The following PCDH7 variants were observed in gnomAD, a reference collection of about 807,000 sequenced individuals.
The protein encoded by PCDH7 is protocadherin-7.
In PCDH7, 17 loss-of-function variants were observed where a neutral mutation model predicts 58.9. The observed-to-expected ratio is 0.29, with a 90% CI of 0.20 to 0.43. PCDH7 has a LOEUF of 0.43. PCDH7 is among the 20% of genes least tolerant of loss of function. PCDH7 has a pLI of 1.00. For synonymous variants in PCDH7, 664 were observed against 616.4 expected (o/e 1.08, Z -1.14); for missense variants, 1,274 against 1,441.0 (o/e 0.88, Z 1.88).
intron 1 of PCDH7, among the ~76,000 whole-genome samples, chr4:30,819,260 G>A (rs961109224): frequency 3.3e-5 from 5 of 152,110 alleles, no homozygotes; most frequent in African/African-American, 1.2e-4. Flanking sequence ...AAGTTGTGGT[G>A]GGGAACCTAG....
At position 30,806,447 on chromosome 4, in the gene PCDH7, T is replaced by A. The variant is rs73213196; in HGVS notation, c.70+81851T>A. Among the ~76,000 whole-genome samples the A allele has an allele frequency of 5.9e-3, 894 of 152,056 alleles. 4 individuals carry two copies. Among genetic ancestry groups the A allele is most frequent in the Middle Eastern group, 0.02 (6 of 294 alleles). ...AGCCTCCCGAGCAGCTGGGACTAGG[T>A]GCATGCCACCATGCCTGGCTAAATT... On this transcript the variant is annotated intron_variant, in intron 1 of 3. Coordinates refer to the PCDH7 transcript ENST00000509759.
chr4:30,727,723 T>A (rs1248304269), intron 1 of PCDH7, among the ~76,000 whole-genome samples: 3 of 151,966 alleles, frequency 2.0e-5, no homozygotes, highest in African/African-American at 7.2e-5. Flanking sequence ...TTTTCATTCA[T>A]AACATAAAGG....
At chr4:30,928,127 C>T (rs1214461337) in intron 2 of PCDH7, among the ~76,000 whole-genome samples, 3 of 152,112 alleles carry the variant, frequency 2.0e-5, no homozygotes, top group Non-Finnish European at 4.4e-5. Flanking sequence ...AGTCATGCAC[C>T]TGTTCAAGGC....
intron 1 of PCDH7, among the ~76,000 whole-genome samples, chr4:30,899,062 ATGT>A (rs1442093035): frequency 6.6e-6 from 1 of 152,134 alleles, no homozygotes; most frequent in Non-Finnish European, 1.5e-5. Context: ...GTAATGGACA[ATGT>A]TGTTTCATGA....
At chr4:30,953,323 C>T (rs1747544189) in intron 3 of PCDH7, among the ~76,000 whole-genome samples, 1 of 152,016 alleles carries the variant, frequency 6.6e-6, no homozygotes, top group Admixed American at 6.6e-5. Context: ...CAGACAGACA[C>T]TATGTCATAA....
At chr4:31,042,433 AAC>A (rs1755948305) in intron 3 of PCDH7, among the ~76,000 whole-genome samples, 1 of 152,094 alleles carries the variant, frequency 6.6e-6, no homozygotes, top group African/African-American at 2.4e-5. Flanking sequence ...TTTTTTGATG[AAC>A]AGTGTTGCAA....
intron 3 of PCDH7, among the ~76,000 whole-genome samples, chr4:31,092,699 A>T (rs942851634): frequency 3.9e-5 from 6 of 152,068 alleles, no homozygotes; most frequent in Admixed American, 1.3e-4. Flanking sequence ...AGTTCATTTT[A>T]TAAATCGGTT....
chr4:30,724,026 C>G, exon 1 of PCDH7: 1 of 1,614,102 alleles, frequency 6.2e-7, no homozygotes, highest in Non-Finnish European at 8.5e-7. Flanking sequence ...TAGCTGGTGA[C>G]CCAAGCTATG....
chr4:31,142,311 G>A (rs975175329), intron 3 of PCDH7, among the ~76,000 whole-genome samples, 162 bp from the exon 3 acceptor site: 5 of 152,104 alleles, frequency 3.3e-5, no homozygotes, highest in African/African-American at 1.2e-4. Context: ...TGATGCACAT[G>A]GGATTAAAAA....
chr4:30,835,557 G>T (rs2109334142), intron 1 of PCDH7, among the ~76,000 whole-genome samples: 1 of 152,278 alleles, frequency 6.6e-6, no homozygotes, highest in Non-Finnish European at 1.5e-5. Context: ...GGACTGCTGA[G>T]CTGAGAGATC....
At position 30,792,581 on chromosome 4, in the gene PCDH7, G is replaced by A. The variant is rs544353608; in HGVS notation, c.70+67985G>A. Among the ~76,000 whole-genome samples the A allele has an allele frequency of 5.3e-5, 8 of 152,164 alleles. No homozygotes were observed. In the East Asian group the frequency reaches 5.8e-4, roughly 11 times the overall value. On this transcript the variant is annotated intron_variant, in intron 1 of 3. Coordinates refer to the PCDH7 transcript ENST00000509759. ...AGGGTGATTCAAAATGAACGTCTTA[G>A]CCTATATGGTTCGATGTTAGGGGAA...
intron 1 of PCDH7, among the ~76,000 whole-genome samples, chr4:30,806,002 A>C (rs969278401): frequency 2.0e-5 from 3 of 152,216 alleles, no homozygotes; most frequent in Admixed American, 2.0e-4. Flanking sequence ...CTAAGTGAGC[A>C]TCCAAAATTT....
At chr4:30,993,409 G>A (rs1009637608) in intron 3 of PCDH7, among the ~76,000 whole-genome samples, 1 of 152,108 alleles carries the variant, frequency 6.6e-6, no homozygotes, top group Non-Finnish European at 1.5e-5. Flanking sequence ...AACCATAATC[G>A]AGACTGAGTT....
chr4:30,920,087 A>AT, intron 1 of PCDH7, 66 bp from the exon 2 acceptor site: 1 of 1,210,590 alleles, frequency 8.3e-7, no homozygotes, highest in Non-Finnish European at 1.1e-6. Context: ...TAATTTATGT[A>AT]TTTTTTAAAA....
chr4:31,142,165 C>T (rs1043980207), intron 3 of PCDH7, among the ~76,000 whole-genome samples: 1 of 152,056 alleles, frequency 6.6e-6, no homozygotes, highest in African/African-American at 2.4e-5. Context: ...GTATTTAGAG[C>T]TTCTAACTGA....
At chr4:30,999,311 G>A (rs1752157550) in intron 3 of PCDH7, among the ~76,000 whole-genome samples, 1 of 152,078 alleles carries the variant, frequency 6.6e-6, no homozygotes, top group South Asian at 2.1e-4. Context: ...ATAAGTGTGT[G>A]AAAACATAGC....
At chr4:30,743,022 A>G (rs1717285116) in intron 1 of PCDH7, among the ~76,000 whole-genome samples, 1 of 152,164 alleles carries the variant, frequency 6.6e-6, no homozygotes, top group South Asian at 2.1e-4. Flanking sequence ...CTCTCTGGGA[A>G]ATGTAAGACA....
At chr4:31,082,905 G>A (rs1025113004) in intron 3 of PCDH7, among the ~76,000 whole-genome samples, 14 of 152,016 alleles carry the variant, frequency 9.2e-5, no homozygotes, top group Non-Finnish European at 1.8e-4. Flanking sequence ...TCAGGAGATC[G>A]AGACCATCCT....
chr4:30,842,911 G>C (rs925546784), intron 1 of PCDH7, among the ~76,000 whole-genome samples: 4 of 152,036 alleles, frequency 2.6e-5, no homozygotes, highest in African/African-American at 7.2e-5. Flanking sequence ...ACTACTCTCT[G>C]ATATTTGTCT....
Sources: gnomAD v4.1 joint callset for allele counts (sites outside exome capture counted in the v4.1 genomes callset) on GRCh38, gnomAD v4.1.1 for gene constraint, MANE v1.5 for transcripts, NCBI Gene and HGNC (gene_info 2026-07-23, HGNC 2026-07-21) for gene names.